The following CERS6 variants were observed in gnomAD, a reference collection of about 807,000 sequenced individuals.
CERS6 encodes LAG1 homolog, ceramide synthase 6.
Under a neutral mutation model 56.8 loss-of-function variants are expected in CERS6, and 26 were observed. That is an observed-to-expected ratio of 0.46 (90% confidence interval 0.34 to 0.63). The LOEUF is 0.63. Ranked by LOEUF, CERS6 falls within the 30% of genes least tolerant of loss-of-function variation. The pLI, the probability that CERS6 is intolerant of heterozygous loss-of-function variation, is 0.01. For synonymous variants in CERS6, 164 were observed against 173.3 expected (o/e 0.95, Z 0.42); for missense variants, 415 against 467.5 (o/e 0.89, Z 1.04).
At chr2:168,754,846 C>G (rs1337816490) in intron 8 of CERS6, among the ~76,000 whole-genome samples, 3 of 152,162 alleles carry the variant, frequency 2.0e-5, no homozygotes, top group Non-Finnish European at 2.9e-5. Flanking sequence ...CAGCCTTGAA[C>G]TCCTGTGCTC....
intron 2 of CERS6, among the ~76,000 whole-genome samples, 167 bp downstream of exon 2, chr2:168,547,868 T>C (rs927607170): frequency 6.6e-6 from 1 of 152,230 alleles, no homozygotes; most frequent in East Asian, 1.9e-4. Flanking sequence ...GGAATGAAGA[T>C]GGGCTTGTCT....
chr2:168,462,814 G>A (rs992253722), intron 1 of CERS6, among the ~76,000 whole-genome samples: 23 of 152,158 alleles, frequency 1.5e-4, no homozygotes, highest in Non-Finnish European at 2.6e-4. Context: ...GATTACATGT[G>A]TGAGTCACTG....
chr2:168,548,306 T>C (rs1431378014), intron 2 of CERS6, among the ~76,000 whole-genome samples: 1 of 151,568 alleles, frequency 6.6e-6, no homozygotes, highest in East Asian at 1.9e-4. Context: ...AAACTAGGAG[T>C]GGGAGGAAGG....
intron 8 of CERS6, among the ~76,000 whole-genome samples, chr2:168,719,588 A>G (rs1276434396): frequency 1.3e-5 from 2 of 152,208 alleles, no homozygotes; most frequent in Non-Finnish European, 1.5e-5. Flanking sequence ...TTCACCAACA[A>G]TACCTTCCAG....
At position 168,633,128 on chromosome 2, in the gene CERS6, A is replaced by G. The variant is rs575280688; in HGVS notation, c.465+2086A>G. Among the ~76,000 whole-genome samples the G allele has an allele frequency of 4.0e-5, 6 of 151,518 alleles. No individual in the cohort carries two copies. The South Asian group carries it at 6.3e-4, about 16-fold the overall frequency. Reference sequence around the variant, plus strand: ...CTTAAACTAGACCAGTTTTATGCCAATTTCCTTTCAACTGCCTCTGGTTAT... The same window carrying G: ...CTTAAACTAGACCAGTTTTATGCCAGTTTCCTTTCAACTGCCTCTGGTTAT... On this transcript the variant is annotated intron_variant, in intron 4 of 9. Transcript: ENST00000305747.
In CERS6 at chr2:168,598,384, CAG is replaced by C. The variant is rs373298693; in HGVS notation, c.408-32596_408-32595del. ...GTTTATACGTGGCATAGTAATTAAC[CAG>C]AGAGTTTTCTTTTTTTTTTCTTTTC... On this transcript the variant is annotated intron_variant, in intron 3 of 9. Transcript: ENST00000305747. Among the ~76,000 whole-genome samples, 24 of 151,774 alleles carry C rather than the reference CAG, an allele frequency of 1.6e-4. No homozygotes were observed. In the East Asian group the frequency reaches 4.3e-3, roughly 27 times the overall value.
At position 168,772,320 on chromosome 2, in the gene CERS6, A is replaced by G. The variant is rs1348255452; in HGVS notation, c.*2658A>G. The G allele has an allele frequency of 6.6e-6, 1 of 152,620 alleles. No individual in the cohort carries two copies. The highest frequency in any genetic ancestry group is 1.5e-5 in the Non-Finnish European group (1 of 68,038). 9.5% of individuals were successfully genotyped at this position (152,620 alleles called of 1,614,324 possible). On this transcript the variant is annotated 3_prime_UTR_variant, in exon 10 of 10. Coordinates refer to ENST00000305747, the MANE Select transcript of CERS6 (RefSeq NM_203463.3). ...AGTAATACTTTATTCTCTAATGTTA[A>G]TAGCTTTTCTGGATCTCTTAGTAGG...
At chr2:168,684,469 C>T (rs768216280) in intron 4 of CERS6, among the ~76,000 whole-genome samples, 4 of 151,996 alleles carry the variant, frequency 2.6e-5, no homozygotes, top group African/African-American at 7.3e-5. Context: ...CTTTGTCTTC[C>T]GAGTTATTTT....
At chr2:168,593,176 G>T (rs1408018923) in intron 3 of CERS6, among the ~76,000 whole-genome samples, 1 of 152,018 alleles carries the variant, frequency 6.6e-6, no homozygotes, top group Non-Finnish European at 1.5e-5. Context: ...GATTACATTG[G>T]GTTCACCCGA....
In CERS6 at chr2:168,618,051, A is replaced by T. The variant is rs186080106; in HGVS notation, c.408-12934A>T. ...AATCCAGCATAATCAAGTGAGTTTCATACCAGGGATACAGGAGTGGTTTAA... is the reference window on the plus strand; with the variant it reads ...AATCCAGCATAATCAAGTGAGTTTCTTACCAGGGATACAGGAGTGGTTTAA... On this transcript the variant is annotated intron_variant, in intron 3 of 9. Transcript: ENST00000305747. Among the ~76,000 whole-genome samples, 60 of 152,356 alleles carry T rather than the reference A, an allele frequency of 3.9e-4. No homozygotes were observed. The East Asian group carries it at 0.011, about 27-fold the overall frequency.
intron 2 of CERS6, among the ~76,000 whole-genome samples, chr2:168,551,451 G>T (rs529959588): frequency 6.6e-6 from 1 of 152,122 alleles, no homozygotes; most frequent in Non-Finnish European, 1.5e-5. Flanking sequence ...TTGTGGCCTT[G>T]GGTGAGTTTC....
chr2:168,577,168 A>G (rs1683295665), intron 3 of CERS6, among the ~76,000 whole-genome samples: 1 of 152,162 alleles, frequency 6.6e-6, no homozygotes, highest in Non-Finnish European at 1.5e-5. Flanking sequence ...AGTAGAGGAA[A>G]CATCTGAGGA....
In CERS6 at chr2:168,631,748, T is replaced by TATAA. The variant is rs1221888455; in HGVS notation, c.465+709_465+710insAATA. On this transcript the variant is annotated intron_variant, in intron 4 of 9. Coordinates refer to ENST00000305747, the MANE Select transcript of CERS6 (RefSeq NM_203463.3). ...TTATATTATATATAACATAATTATATATATTTTCATATTGTATATAATAAA... is the reference window on the plus strand; with the variant it reads ...TTATATTATATATAACATAATTATATATAAATATTTTCATATTGTATATAATAAA... Among the ~76,000 whole-genome samples, 1,531 of 122,854 alleles carry TATAA rather than the reference T, an allele frequency of 0.012. 48 individuals carry two copies. The East Asian group carries it at 0.13, about 10-fold the overall frequency. 80.6% of individuals were successfully genotyped at this position (122,854 alleles called of 152,430 possible).
At chr2:168,553,681 G>A (rs966386062) in intron 2 of CERS6, among the ~76,000 whole-genome samples, 6 of 152,282 alleles carry the variant, frequency 3.9e-5, no homozygotes, top group African/African-American at 1.4e-4. Flanking sequence ...TTCTTGAGGA[G>A]ACTCTATTAA....
At chr2:168,582,888 T>G (rs566613528) in intron 3 of CERS6, 1 of 154,494 alleles carries the variant, frequency 6.5e-6, no homozygotes, top group South Asian at 2.0e-4. Flanking sequence ...AGTTATGGTA[T>G]AGAGGGGCCT....
intron 1 of CERS6, among the ~76,000 whole-genome samples, chr2:168,505,431 G>T (rs1201996218): frequency 5.3e-5 from 8 of 150,566 alleles, no homozygotes; most frequent in Non-Finnish European, 1.2e-4. Flanking sequence ...GCCTGATGCT[G>T]CTCAAGGAAA....
chr2:168,652,831 A>G (rs1685378981), intron 4 of CERS6, among the ~76,000 whole-genome samples: 1 of 152,336 alleles, frequency 6.6e-6, no homozygotes, highest in South Asian at 2.1e-4. Flanking sequence ...AAGCCTCACC[A>G]ATGCACAGAC....
chr2:168,529,707 C>G (rs938340479), intron 1 of CERS6, among the ~76,000 whole-genome samples: 1 of 152,166 alleles, frequency 6.6e-6, no homozygotes, highest in South Asian at 2.1e-4. Flanking sequence ...TACTGAAACA[C>G]CAGAATCTTT....
intron 8 of CERS6, among the ~76,000 whole-genome samples, chr2:168,762,000 C>T (rs535031130): frequency 2.4e-4 from 37 of 152,076 alleles, no homozygotes; most frequent in African/African-American, 8.7e-4. Context: ...ACACTGGGGC[C>T]TGTCAGGGGG....
Sources: gnomAD v4.1 joint callset for allele counts (sites outside exome capture counted in the v4.1 genomes callset) on GRCh38, gnomAD v4.1.1 for gene constraint, MANE v1.5 for transcripts, NCBI Gene and HGNC (gene_info 2026-07-23, HGNC 2026-07-21) for gene names.